USP15: variants seen among roughly 807,000 people sequenced by gnomAD.
USP15 encodes ubiquitin specific peptidase 15, also known as ubiquitin carboxyl-terminal hydrolase 15.
Under a neutral mutation model 127.1 loss-of-function variants are expected in USP15, and 18 were observed. The ratio of observed to expected loss-of-function variants is 0.14; its 90% CI spans 0.10 to 0.21. The LOEUF is 0.21. Among genes scored for constraint, USP15 ranks in the 10% least tolerant of loss-of-function variants. The pLI is 1.00. For synonymous variants in USP15, 364 were observed against 393.7 expected, an observed-to-expected ratio of 0.92 and a Z score of 0.89; for missense variants, 805 against 1,159.9, an observed-to-expected ratio of 0.69 and a Z score of 4.44.
At chr12:62,363,739 A>G (rs762373489) in intron 8 of USP15, among the ~76,000 whole-genome samples, 1 of 151,828 alleles carries the variant, frequency 6.6e-6, no homozygotes, top group Non-Finnish European at 1.5e-5. Flanking sequence ...GACTGCTGGA[A>G]TTTTGTTTTA....
chr12:62,292,862 AC>A, intron 1 of USP15, among the ~76,000 whole-genome samples: 2 of 152,054 alleles, frequency 1.3e-5, no homozygotes, highest in East Asian at 3.9e-4. Flanking sequence ...ACCCTGCAGC[AC>A]CCCGGGTCTA....
At chr12:62,265,137 A>G (rs1050059901) in intron 1 of USP15, among the ~76,000 whole-genome samples, 1 of 152,162 alleles carries the variant, frequency 6.6e-6, no homozygotes, top group Non-Finnish European at 1.5e-5. Context: ...CTAGTCAATG[A>G]TTTCGTTTAT....
At chr12:62,281,797 A>G (rs2137095045) in intron 1 of USP15, among the ~76,000 whole-genome samples, 1 of 152,292 alleles carries the variant, frequency 6.6e-6, no homozygotes, top group Non-Finnish European at 1.5e-5. Flanking sequence ...GTATCATTGT[A>G]CAGAAAGAAG....
intron 8 of USP15, among the ~76,000 whole-genome samples, chr12:62,356,010 A>G (rs1011839834): frequency 8.0e-5 from 12 of 149,512 alleles, no homozygotes; most frequent in Non-Finnish European, 1.0e-4. Flanking sequence ...GCTCTAGTCT[A>G]TATCCTCAAC....
intron 6 of USP15, chr12:62,335,555 T>C: frequency 9.4e-7 from 1 of 1,060,264 alleles, no homozygotes; most frequent in Non-Finnish European, 1.1e-6. Context: ...CCTACATATA[T>C]AAATGCCTAG....
intron 6 of USP15, among the ~76,000 whole-genome samples, chr12:62,348,227 G>A (rs2065874007): frequency 6.6e-6 from 1 of 152,014 alleles, no homozygotes; most frequent in Admixed American, 6.6e-5. Flanking sequence ...AAATAAAAAT[G>A]AAATTTAAAA....
intron 21 of USP15, 57 bp downstream of exon 21, chr12:62,401,332 T>C: frequency 7.3e-7 from 1 of 1,367,642 alleles, no homozygotes; most frequent in Non-Finnish European, 1.0e-6. Context: ...AAGGAGTGAA[T>C]ATAAATTAAT....
chr12:62,269,232 A>G (rs1193405113), intron 1 of USP15, among the ~76,000 whole-genome samples: 3 of 152,094 alleles, frequency 2.0e-5, no homozygotes, highest in South Asian at 2.1e-4. Context: ...CTACATACCT[A>G]GGATGTATTG....
chr12:62,328,339 G>A (rs1176882899), intron 6 of USP15: 1 of 452,130 alleles, frequency 2.2e-6, no homozygotes, highest in Non-Finnish European at 4.5e-6. Context: ...TGCTGATGTA[G>A]TATGAAAGCA....
In USP15 at chr12:62,391,014, A is replaced by C. The variant is rs758346117; in HGVS notation, c.1960+35A>C. 3.8e-6 allele frequency: 6 copies of C among 1,578,352 alleles called. No individual in the cohort carries two copies. The African/African-American group carries it at 6.8e-5, about 18-fold the overall frequency. On this transcript the variant is annotated intron_variant, in intron 15 of 21. Coordinates refer to ENST00000280377, the MANE Select transcript of USP15 (RefSeq NM_001252078.2). Reference sequence around the variant, plus strand: ...TTCTGTTAAATTGTACAAATGTTTCACTTAGATAATTGCCTCAGAGAAAAA... The same window carrying C: ...TTCTGTTAAATTGTACAAATGTTTCCCTTAGATAATTGCCTCAGAGAAAAA...
chr12:62,295,143 C>CG (rs967579992), intron 2 of USP15, among the ~76,000 whole-genome samples: 3 of 152,112 alleles, frequency 2.0e-5, no homozygotes, highest in African/African-American at 7.2e-5. Flanking sequence ...AGACCCCCCC[C>CG]CATAGGGTTG....
At chr12:62,314,031 G>C in intron 3 of USP15, 1 of 898,438 alleles carries the variant, frequency 1.1e-6, no homozygotes, top group Non-Finnish European at 1.3e-6. Context: ...TTAACCTTTA[G>C]AAGATCGAAA....
chr12:62,271,815 C>T (rs910700518), intron 1 of USP15, among the ~76,000 whole-genome samples: 1 of 151,650 alleles, frequency 6.6e-6, no homozygotes, highest in Non-Finnish European at 1.5e-5. Flanking sequence ...TACTTGGCCT[C>T]CTTGAGTTTC....
chr12:62,350,943 TTTCACA>T lies in USP15; in HGVS notation c.770+1642_770+1647del, dbSNP rs552579380. 3.7e-3 allele frequency among the ~76,000 whole-genome samples: 562 copies of T among 152,180 alleles called. 5 individuals carry two copies. Among genetic ancestry groups the T allele is most frequent in the African/African-American group, 0.013 (529 of 41,520 alleles). On this transcript the variant is annotated intron_variant, in intron 7 of 21. Transcript: ENST00000280377. ...CCCAGCTGGGATAAATATTTTACATTTTCACATTCACTACTGATTAGAGATATGTAA... is the reference window on the plus strand; with the variant it reads ...CCCAGCTGGGATAAATATTTTACATTTTCACTACTGATTAGAGATATGTAA...
At chr12:62,322,130 TTTTG>T (rs1166560942) in intron 5 of USP15, among the ~76,000 whole-genome samples, 3 of 152,158 alleles carry the variant, frequency 2.0e-5, no homozygotes, top group African/African-American at 4.8e-5. Context: ...AATTTGGCTT[TTTTG>T]TTTGTTTGTT....
intron 3 of USP15, among the ~76,000 whole-genome samples, chr12:62,314,250 G>A (rs2064763994): frequency 6.6e-6 from 1 of 151,844 alleles, no homozygotes; most frequent in South Asian, 2.1e-4. Context: ...GTGATTTGGA[G>A]TTATCATTTT....
intron 1 of USP15, among the ~76,000 whole-genome samples, chr12:62,263,863 A>T (rs1221532870): frequency 6.6e-6 from 1 of 152,220 alleles, no homozygotes; most frequent in African/African-American, 2.4e-5. Flanking sequence ...TTTCAGATAC[A>T]TGGTGGTTTC....
At position 62,274,766 on chromosome 12, in the gene USP15, C is replaced by T. The variant is rs1392268277; in HGVS notation, c.89+14263C>T. Among the ~76,000 whole-genome samples the T allele has an allele frequency of 2.6e-5, 4 of 152,028 alleles. No individual in the cohort carries two copies. In the South Asian group the frequency reaches 6.2e-4, roughly 24 times the overall value. On this transcript the variant is annotated intron_variant, in intron 1 of 21. Coordinates refer to ENST00000280377, the MANE Select transcript of USP15 (RefSeq NM_001252078.2). ...TCAACTAATATAAAAACACTTTGTA[C>T]GAAAACCTTATATAAACATTAAACA...
At position 62,390,301 on chromosome 12, in the gene USP15, A is replaced by G. The variant is rs190268162; in HGVS notation, c.1844+313A>G. On this transcript the variant is annotated intron_variant, in intron 14 of 21. Transcript: ENST00000280377. Reference sequence around the variant, plus strand: ...TGTTCATTCTGTGAAATCATAACAAATGTCAAATGCCATATGTTTGCACTG... The same window carrying G: ...TGTTCATTCTGTGAAATCATAACAAGTGTCAAATGCCATATGTTTGCACTG... 1.2e-4 allele frequency among the ~76,000 whole-genome samples: 18 copies of G among 152,304 alleles called. No individual in the cohort carries two copies. In the East Asian group the frequency reaches 3.5e-3, roughly 29 times the overall value.
Sources: allele counts gnomAD v4.1 joint callset (sites outside exome capture counted in the v4.1 genomes callset), GRCh38; gene constraint gnomAD v4.1.1; transcripts MANE v1.5; gene names NCBI Gene and HGNC (gene_info 2026-07-23, HGNC 2026-07-21).